The following FBXW4 variants were observed in gnomAD, a reference collection of about 807,000 sequenced individuals.
FBXW4 encodes F-box/WD repeat-containing protein 4.
FBXW4 carries 40 observed loss-of-function variants against 61.8 expected under a neutral mutation model. The observed-to-expected ratio is 0.65, with a 90% CI of 0.50 to 0.84. The LOEUF is 0.84. FBXW4 is among the 40% of genes least tolerant of loss of function. The probability of loss-of-function intolerance (pLI) is 0.00; values close to 1 mark genes in which losing one functional copy is unlikely to be tolerated. For missense variants in FBXW4, 672 were observed against 753.8 expected (o/e 0.89, Z 1.27); for synonymous variants, 311 against 313.8 (o/e 0.99, Z 0.10).
At chr10:101,669,637 C>T (rs949875339) in intron 4 of FBXW4, among the ~76,000 whole-genome samples, 8 of 152,190 alleles carry the variant, frequency 5.3e-5, no homozygotes, top group Non-Finnish European at 1.2e-4. Flanking sequence ...CCTCCAGAAA[C>T]ATGAGATTCC....
chr10:101,676,080 C>A (rs974027485), intron 2 of FBXW4, among the ~76,000 whole-genome samples: 1 of 152,078 alleles, frequency 6.6e-6, no homozygotes, highest in Non-Finnish European at 1.5e-5. Flanking sequence ...TTAGAATTTT[C>A]TTTTTCTTCA....
rs759994322 is a variant in FBXW4, at chr10:101,694,466, G to A, written c.640C>T (p.Arg214Trp). 2.6e-6 allele frequency: 4 copies of A among 1,531,896 alleles called. No homozygotes were observed. Among genetic ancestry groups the A allele is most frequent in the Non-Finnish European group, 3.5e-6 (4 of 1,150,802 alleles). The allele number at this position is 1,531,896 out of a possible 1,614,324, so 94.9% of individuals were successfully genotyped here. A position where few individuals can be genotyped will look rare whatever the true frequency, so the allele number is the denominator to read the frequency against. ...GRLAQVCRWLRRFTSCDLLWR... is the reference protein window; with the variant it reads ...GRLAQVCRWLWRFTSCDLLWR... ...AGCAGATCGCAGCTGGTGAAGCGCC[G>A]CAGCCAGCGGCACACCTGGGCCAGG... is the stretch of plus-strand genomic sequence containing the variant. The change falls in exon 1 of 9, where the codon CGG becomes TGG. Residue 214 changes from arginine to tryptophan, a missense_variant. By Grantham distance (101) the Arg-to-Trp change is moderately radical. Transcript: ENST00000331272. The surrounding 1 kb of genome is among the most constrained non-coding windows in gnomAD (Gnocchi z 6.0).
In FBXW4 at chr10:101,694,432, C is replaced by A. The variant is rs1263520122; in HGVS notation, c.674G>T (p.Arg225Leu). ...GGAGTTGAGCGAGGCCCGGGCTATC[C>A]GGCGCCAGAGCAGATCGCAGCTGGT... ...RFTSCDLLWR[R>L]IARASLNSGF... Residue 225 changes from arginine (R) to leucine (L), a missense_variant, in exon 1 of 9, where the codon CGG (arginine) becomes CTG (leucine). Physicochemically the swap from Arg to Leu is moderately radical, Grantham distance 102. Around this residue, in one of 5 missense-constraint regions of FBXW4, gnomAD observed 311 missense variants for 301.1 expected, o/e 1.03. Transcript: ENST00000331272. The surrounding 1 kb of genome is among the most constrained non-coding windows in gnomAD (Gnocchi z 6.0). The A allele has an allele frequency of 1.3e-6, 2 of 1,528,600 alleles. No individual in the cohort carries two copies. Among genetic ancestry groups the A allele is most frequent in the Non-Finnish European group, 1.7e-6 (2 of 1,150,660 alleles). 94.7% of individuals were successfully genotyped at this position (1,528,600 alleles called of 1,614,324 possible).
intron 4 of FBXW4, 130 bp downstream of exon 4, chr10:101,672,785 T>A (rs1057335271): frequency 1.6e-5 from 17 of 1,063,876 alleles, no homozygotes; most frequent in Non-Finnish European, 2.1e-5. Context: ...CATAAGTGAG[T>A]CCTTTATTGT....
intron 1 of FBXW4, among the ~76,000 whole-genome samples, chr10:101,685,469 G>A (rs2064524655): frequency 6.6e-6 from 1 of 152,148 alleles, no homozygotes; most frequent in South Asian, 2.1e-4. Flanking sequence ...CAATTTTACA[G>A]GGATTTCTAT....
chr10:101,690,495 C>CTATTA (rs1467525470), intron 1 of FBXW4, among the ~76,000 whole-genome samples: 2 of 152,076 alleles, frequency 1.3e-5, no homozygotes, highest in African/African-American at 4.8e-5. Context: ...CTTAGGATAT[C>CTATTA]TATTAGTGTT....
At chr10:101,627,810 G>A (rs1324423173) in intron 5 of FBXW4, among the ~76,000 whole-genome samples, 2 of 152,106 alleles carry the variant, frequency 1.3e-5, no homozygotes, top group African/African-American at 2.4e-5. Flanking sequence ...AAAATACTGT[G>A]GCTGCACACA....
At chr10:101,648,008 T>A (rs972753130) in intron 5 of FBXW4, among the ~76,000 whole-genome samples, 1 of 152,192 alleles carries the variant, frequency 6.6e-6, no homozygotes, top group Admixed American at 6.5e-5. Context: ...CTGCCTCCTA[T>A]AGGTGCTCAG....
chr10:101,659,690 T>C (rs1177430660), intron 5 of FBXW4, among the ~76,000 whole-genome samples: 1 of 152,224 alleles, frequency 6.6e-6, no homozygotes. Context: ...GAGGTTGTAG[T>C]AGAGTTTCTT....
intron 5 of FBXW4, among the ~76,000 whole-genome samples, chr10:101,656,406 C>A (rs1404550263): frequency 6.6e-6 from 1 of 152,230 alleles, no homozygotes; most frequent in Non-Finnish European, 1.5e-5. Context: ...GGCCTGGTGG[C>A]CTCACATTCT....
chr10:101,619,670 AAAAG>A (rs1158227101), intron 6 of FBXW4, among the ~76,000 whole-genome samples: 1 of 151,842 alleles, frequency 6.6e-6, no homozygotes, highest in Non-Finnish European at 1.5e-5. Flanking sequence ...AAAAAAAAAA[AAAAG>A]AAGAGGAAGG....
At chr10:101,612,577 C>T in intron 6 of FBXW4, 100 bp from the exon 7 acceptor site, 1 of 1,296,970 alleles carries the variant, frequency 7.7e-7, no homozygotes, top group Non-Finnish European at 1.0e-6. Flanking sequence ...GTTCTCTTTC[C>T]TCAGCTAGAA....
At chr10:101,625,815 G>T (rs937671393) in intron 5 of FBXW4, 1 of 152,278 alleles carries the variant, frequency 6.6e-6, no homozygotes, top group South Asian at 2.1e-4. Context: ...TCTTTCATGG[G>T]GGGGAAGGAA....
chr10:101,664,675 C>A (rs2064281479), intron 5 of FBXW4, among the ~76,000 whole-genome samples: 1 of 152,164 alleles, frequency 6.6e-6, no homozygotes, highest in Admixed American at 6.5e-5. Context: ...GAAAAGGGTA[C>A]AGACTTGACA....
rs114707998 is a variant in FBXW4 at position 101,639,491 on chromosome 10, T to C, written c.1236-14681A>G. Reference sequence around the variant, plus strand: ...TTTGGGACTGGACATCATGGAGTCATTTGGCCTTTATCCAACTAGTAGACA... The same window carrying C: ...TTTGGGACTGGACATCATGGAGTCACTTGGCCTTTATCCAACTAGTAGACA... On this transcript the variant is annotated intron_variant, in intron 5 of 8. Coordinates refer to ENST00000331272, the MANE Select transcript of FBXW4 (RefSeq NM_022039.4). 2.2e-3 allele frequency among the ~76,000 whole-genome samples: 339 copies of C among 152,338 alleles called. 3 individuals are homozygous for C. The highest frequency in any genetic ancestry group is 7.9e-3 in the African/African-American group (329 of 41,574).
chr10:101,650,659 G>A (rs1485620433), intron 5 of FBXW4, among the ~76,000 whole-genome samples: 2 of 152,174 alleles, frequency 1.3e-5, no homozygotes, highest in African/African-American at 4.8e-5. Context: ...CAGACACATG[G>A]ATGGGGGAAT....
chr10:101,647,277 T>G (rs1018860220), intron 5 of FBXW4, among the ~76,000 whole-genome samples: 3 of 152,226 alleles, frequency 2.0e-5, no homozygotes, highest in African/African-American at 7.2e-5. Flanking sequence ...TCTGCCCCCA[T>G]CAGCTCTTTT....
rs144381704 is a variant in FBXW4, at chr10:101,654,095, C to G, written c.1235+13791G>C. ...GAGATTGCACCACTGCACTCCAGAC[C>G]GGCGACAGAGCGAGACTCCGTCTTA... On this transcript the variant is annotated intron_variant, in intron 5 of 8. Transcript: ENST00000331272. Among the ~76,000 whole-genome samples, 955 of 134,266 alleles carry G rather than the reference C, an allele frequency of 7.1e-3. 4 individuals carry two copies. Among genetic ancestry groups the G allele is most frequent in the Admixed American group, 0.011 (124 of 11,288 alleles). The allele number at this position is 134,266 out of a possible 152,430, so 88.1% of individuals were successfully genotyped here.
chr10:101,636,953 T>C (rs2064007084), intron 5 of FBXW4, among the ~76,000 whole-genome samples: 1 of 152,088 alleles, frequency 6.6e-6, no homozygotes, highest in South Asian at 2.1e-4. Flanking sequence ...ATAGATGAAA[T>C]TGTATGTCTG....
Sources: allele counts gnomAD v4.1 joint callset (sites outside exome capture counted in the v4.1 genomes callset), GRCh38; gene constraint gnomAD v4.1.1; regional missense constraint gnomAD v4.1.1; non-coding constraint Gnocchi (gnomAD v3.1); transcripts MANE v1.5; gene names NCBI Gene and HGNC (gene_info 2026-07-23, HGNC 2026-07-21).